SHANK2: variants seen among roughly 807,000 people sequenced by gnomAD.
SHANK2 encodes SH3 and multiple ankyrin repeat domains 2, also known as SH3 and multiple ankyrin repeat domains protein 2.
A neutral mutation model predicts 133.7 loss-of-function variants in SHANK2; 43 were observed. The observed-to-expected ratio is 0.32, with a 90% CI of 0.25 to 0.41. The LOEUF (loss-of-function observed/expected upper bound fraction) is 0.41, where lower values mean the gene tolerates loss of function less well. SHANK2 is among the 10% of genes least tolerant of loss of function. SHANK2 has a pLI of 1.00. For synonymous variants in SHANK2, 1,017 were observed against 952.8 expected (o/e 1.07, Z -1.24); for missense variants, 1,994 against 2,235.8 (o/e 0.89, Z 2.18).
rs371166580 is a variant in SHANK2 at position 70,623,207 on chromosome 11, C to G, written c.2061+36621G>C. Among the ~76,000 whole-genome samples the G allele has an allele frequency of 1.3e-4, 20 of 152,246 alleles. No individual in the cohort carries two copies. The East Asian group carries it at 3.5e-3, about 26-fold the overall frequency. ...AAAAAAAAAAAATTCCTCTCCACAT[C>G]CTGTGGGGCCTGTGCCTGCCTCTCC... On this transcript the variant is annotated intron_variant, in intron 17 of 25. Coordinates refer to ENST00000601538, the MANE Select transcript of SHANK2 (RefSeq NM_012309.5).
intron 2 of SHANK2, among the ~76,000 whole-genome samples, chr11:71,203,654 C>T (rs1954066495): frequency 6.6e-6 from 1 of 152,236 alleles, no homozygotes; most frequent in Admixed American, 6.5e-5. Flanking sequence ...GGGAGATCCC[C>T]TCTGAGCCCT....
At chr11:70,710,719 T>G (rs1459915445) in intron 14 of SHANK2, among the ~76,000 whole-genome samples, 1 of 152,144 alleles carries the variant, frequency 6.6e-6, no homozygotes, top group Non-Finnish European at 1.5e-5. Context: ...AACCTGAATG[T>G]GACCAGAGGC....
rs12573933 is a variant in SHANK2 at position 70,865,966 on chromosome 11, G to A, written c.1174+30535C>T. The stretch of plus-strand genomic sequence containing the variant: ...GCCCCTCCCTGGCAGTCCCACCCTC[G>A]GGCACTGCTCCCCTGGGCCCTCTCC... On this transcript the variant is annotated intron_variant, in intron 11 of 25. Transcript: ENST00000601538. Among the ~76,000 whole-genome samples the A allele has an allele frequency of 2.5e-3, 374 of 152,180 alleles. 14 individuals are homozygous for A. The East Asian group carries it at 0.062, about 25-fold the overall frequency.
chr11:71,125,427 G>A (rs1952163767), intron 3 of SHANK2, among the ~76,000 whole-genome samples: 1 of 152,216 alleles, frequency 6.6e-6, no homozygotes, highest in African/African-American at 2.4e-5. Context: ...CTGACAGGGA[G>A]AAGGTTTGAG....
intron 11 of SHANK2, among the ~76,000 whole-genome samples, chr11:70,865,457 C>A (rs889089277): frequency 6.6e-6 from 1 of 152,178 alleles, no homozygotes; most frequent in African/African-American, 2.4e-5. Context: ...GCTGAATTCA[C>A]CACGAGTAAG....
intron 3 of SHANK2, among the ~76,000 whole-genome samples, chr11:71,133,272 G>A (rs1952359225): frequency 6.6e-6 from 1 of 150,792 alleles, no homozygotes; most frequent in Admixed American, 6.6e-5. Context: ...ATGGATGGAT[G>A]GATGGATGGC....
chr11:70,947,877 T>C (rs782749248), intron 10 of SHANK2, among the ~76,000 whole-genome samples: 4 of 152,176 alleles, frequency 2.6e-5, no homozygotes, highest in African/African-American at 7.2e-5. Context: ...AGAGTTCTCT[T>C]CTGCACTGCT....
Position 70,473,495 on chromosome 11 carries a change from C to T in SHANK2, c.4980-56G>A. On this transcript the variant is annotated intron_variant, in intron 25 of 25. Transcript: ENST00000601538. This position sits in a 1 kb window ranked among gnomAD's most constrained non-coding sequence, Gnocchi z 5.9. ...AAGGCAGGTCACCGAGTCAGGGCAG[C>T]TGGCTGCAGATCACCCAGGAAGGCG... 1 of 1,572,588 alleles carries T rather than the reference C, an allele frequency of 6.4e-7. No homozygotes were observed. The highest frequency in any genetic ancestry group is 2.2e-5 in the East Asian group (1 of 44,548).
At chr11:70,664,527 C>T (rs765415770) in intron 15 of SHANK2, among the ~76,000 whole-genome samples, 1 of 152,206 alleles carries the variant, frequency 6.6e-6, no homozygotes, top group Non-Finnish European at 1.5e-5. Context: ...GGGCCCTGCA[C>T]TCTCCCTGGG....
intron 12 of SHANK2, among the ~76,000 whole-genome samples, chr11:70,809,438 C>CTGATCACCTGCCTTCACTACTG (rs1161145746): frequency 3.9e-5 from 6 of 152,242 alleles, no homozygotes; most frequent in Non-Finnish European, 5.9e-5. Context: ...AAGCCTCCCC[C>CTGATCACCTGCCTTCACTACTG]TGATCACCTG....
chr11:70,778,705 C>T (rs1947420129), intron 14 of SHANK2, among the ~76,000 whole-genome samples: 1 of 152,186 alleles, frequency 6.6e-6, no homozygotes, highest in African/African-American at 2.4e-5. Flanking sequence ...CTTCTAGACT[C>T]CAGAATTGGG....
At chr11:70,721,430 G>A (rs1484696931) in intron 14 of SHANK2, among the ~76,000 whole-genome samples, 1 of 152,246 alleles carries the variant, frequency 6.6e-6, no homozygotes, top group Admixed American at 6.5e-5. Flanking sequence ...GGCAGGCCGT[G>A]TGTACAGGAG....
At chr11:71,163,474 G>C (rs1296897830) in intron 2 of SHANK2, among the ~76,000 whole-genome samples, 2 of 152,148 alleles carry the variant, frequency 1.3e-5, no homozygotes, top group Non-Finnish European at 2.9e-5. Context: ...AGGCAGAGCT[G>C]ATGCTTCTTG....
intron 17 of SHANK2, among the ~76,000 whole-genome samples, chr11:70,585,082 G>A (rs374491396): frequency 2.0e-5 from 3 of 152,322 alleles, no homozygotes; most frequent in Admixed American, 1.3e-4. Context: ...GGTGAATACC[G>A]CCTCGCAGCC....
At chr11:70,618,909 G>A (rs935118761) in intron 17 of SHANK2, among the ~76,000 whole-genome samples, 4 of 152,210 alleles carry the variant, frequency 2.6e-5, no homozygotes, top group Admixed American at 6.5e-5. Flanking sequence ...CAGGGCAGGC[G>A]AGCTTCTCTG....
intron 17 of SHANK2, among the ~76,000 whole-genome samples, chr11:70,560,644 T>TC (rs1169403712): frequency 6.6e-5 from 10 of 152,188 alleles, no homozygotes; most frequent in African/African-American, 2.4e-4. Context: ...GTTTGTTTTT[T>TC]TTTTTGAGAC....
At chr11:71,133,075 G>A (rs536663906) in intron 3 of SHANK2, among the ~76,000 whole-genome samples, 28 of 151,778 alleles carry the variant, frequency 1.8e-4, no homozygotes, top group Admixed American at 3.3e-4. Context: ...TACTCAAAGT[G>A]GAGACCAAAG....
At chr11:70,849,818 A>T (rs7951338) in intron 11 of SHANK2, among the ~76,000 whole-genome samples, 5,490 of 152,012 alleles carry the variant, frequency 0.036, 280 homozygotes, top group African/African-American at 0.12. Flanking sequence ...CTCTTTTTTT[A>T]AAAAAAATGT....
chr11:71,163,757 T>C (rs534007192), intron 2 of SHANK2, among the ~76,000 whole-genome samples: 1 of 152,348 alleles, frequency 6.6e-6, no homozygotes, highest in African/African-American at 2.4e-5. Context: ...TGTGAGCTCT[T>C]AGAGGAGTGA....
Sources: allele counts gnomAD v4.1 joint callset (sites outside exome capture counted in the v4.1 genomes callset), GRCh38; gene constraint gnomAD v4.1.1; non-coding constraint Gnocchi (gnomAD v3.1); transcripts MANE v1.5; gene names NCBI Gene and HGNC (gene_info 2026-07-23, HGNC 2026-07-21).